The following ADAMTS19 variants were observed in gnomAD, a reference collection of about 807,000 sequenced individuals.
ADAMTS19 encodes ADAM metallopeptidase with thrombospondin type 1 motif 19.
ADAMTS19 carries 93 observed loss-of-function variants against 153.3 expected under a neutral mutation model. The ratio of observed to expected loss-of-function variants is 0.61; its 90% confidence interval spans 0.51 to 0.72. The LOEUF (loss-of-function observed/expected upper bound fraction) is 0.72. Among genes scored for constraint, ADAMTS19 ranks in the 30% least tolerant of loss-of-function variants. ADAMTS19 has a pLI of 0.00. For missense variants in ADAMTS19, 1,482 were observed against 1,552.1 expected, an observed-to-expected ratio of 0.95 and a Z score of 0.76; for synonymous variants, 600 against 556.6, an observed-to-expected ratio of 1.08 and a Z score of -1.10.
At chr5:129,512,157 C>G (rs1751457160) in intron 3 of ADAMTS19, among the ~76,000 whole-genome samples, 1 of 151,908 alleles carries the variant, frequency 6.6e-6, no homozygotes, top group Non-Finnish European at 1.5e-5. Context: ...ATGAGTATGT[C>G]TAAGACTCAG....
chr5:129,519,419 C>T (rs1410723989), intron 3 of ADAMTS19, among the ~76,000 whole-genome samples: 2 of 152,058 alleles, frequency 1.3e-5, no homozygotes, highest in African/African-American at 2.4e-5. Context: ...TTTGGAGCCA[C>T]CAGCTATGCA....
Position 129,704,517 on chromosome 5 carries a change from G to C in ADAMTS19, c.3312+126G>C. On this transcript the variant is annotated intron_variant, in intron 21 of 22. Transcript: ENST00000274487. ...GTAGAATTAAACATCATGGGATATG[G>C]GGCAGATTCTGGCTGGCTGTCCATG... The C allele has an allele frequency of 2.7e-6, 3 of 1,097,120 alleles. No homozygotes were observed. The South Asian group carries it at 5.6e-5, about 20-fold the overall frequency. 68.0% of individuals were successfully genotyped at this position (1,097,120 alleles called of 1,614,324 possible). A position where few individuals can be genotyped will look rare whatever the true frequency, so the allele number is the denominator to read the frequency against.
At chr5:129,565,728 T>C (rs1753682528) in intron 7 of ADAMTS19, among the ~76,000 whole-genome samples, 2 of 152,162 alleles carry the variant, frequency 1.3e-5, no homozygotes, top group Admixed American at 6.5e-5. Flanking sequence ...TTTTCTATCA[T>C]AGCTTACGAG....
chr5:129,684,273 G>C lies in ADAMTS19; in HGVS notation c.2818G>C (p.Gly940Arg). 1 of 1,613,490 alleles carries C rather than the reference G, an allele frequency of 6.2e-7. No individual in the cohort carries two copies. Among genetic ancestry groups the C allele is most frequent in the South Asian group, 1.1e-5 (1 of 91,028 alleles). Reference sequence around the variant, plus strand: ...AGATTGCGATGCCACTTGTGGAGGAGGTGAAGGATTTTTAAACATTTATCT... The same window carrying C: ...AGATTGCGATGCCACTTGTGGAGGACGTGAAGGATTTTTAAACATTTATCT... The part of the protein sequence containing the change: ...WEDCDATCGG[G>R]ERKTTVSCTK... The change falls in exon 18 of 23, where the codon GGA becomes CGA. Residue 940 changes from glycine (G) to arginine (R), a missense_variant and splice_region_variant. Gly to Arg is a moderately radical substitution (Grantham distance 125). Transcript: ENST00000274487.
chr5:129,466,406 C>A (rs985140375), intron 2 of ADAMTS19, among the ~76,000 whole-genome samples: 6 of 151,652 alleles, frequency 4.0e-5, no homozygotes, highest in African/African-American at 1.2e-4. Flanking sequence ...TAACAGAAAT[C>A]TAATGCCCAG....
chr5:129,668,400 T>C (rs1754148056), intron 16 of ADAMTS19, among the ~76,000 whole-genome samples: 1 of 152,182 alleles, frequency 6.6e-6, no homozygotes, highest in Non-Finnish European at 1.5e-5. Flanking sequence ...GTATTGCTCA[T>C]AGTTCTGGAG....
intron 7 of ADAMTS19, among the ~76,000 whole-genome samples, chr5:129,581,891 GT>G (rs1749534333): frequency 6.6e-6 from 1 of 152,118 alleles, no homozygotes; most frequent in Admixed American, 6.6e-5. Flanking sequence ...AGGTTGTTCA[GT>G]TTCCATGTAG....
chr5:129,581,579 G>T (rs554223567), intron 7 of ADAMTS19, among the ~76,000 whole-genome samples: 9 of 150,194 alleles, frequency 6.0e-5, no homozygotes, highest in African/African-American at 2.2e-4. Flanking sequence ...TTTTTTGAAG[G>T]GTTTTTCGTG....
chr5:129,591,302 T>C (rs1750120625), intron 7 of ADAMTS19, among the ~76,000 whole-genome samples: 1 of 151,968 alleles, frequency 6.6e-6, no homozygotes, highest in Non-Finnish European at 1.5e-5. Flanking sequence ...CACTTTTTTT[T>C]TTTTTTCTGA....
chr5:129,603,859 A>G (rs1257127171), intron 8 of ADAMTS19, among the ~76,000 whole-genome samples: 5 of 152,216 alleles, frequency 3.3e-5, no homozygotes, highest in African/African-American at 1.2e-4. Context: ...ATCCAAATCC[A>G]AAGCCCATGT....
intron 2 of ADAMTS19, among the ~76,000 whole-genome samples, chr5:129,484,801 A>G (rs73787517): frequency 0.013 from 1,986 of 152,194 alleles, 41 homozygotes; most frequent in African/African-American, 0.045. Context: ...GAAGATATAC[A>G]TCTTCATATT....
chr5:129,461,681 C>T lies in ADAMTS19; in HGVS notation c.671C>T (p.Ala224Val), dbSNP rs1749675979. Residue 224 changes from alanine to valine, a missense_variant, in exon 2 of 23, where the codon GCA (alanine) becomes GTA (valine). Physicochemically the swap from Ala to Val is moderately conservative, Grantham distance 64 (BLOSUM62 0). Coordinates refer to ENST00000274487, the MANE Select transcript of ADAMTS19 (RefSeq NM_133638.6). The surrounding 1 kb of genome is among the most constrained non-coding windows in gnomAD (Gnocchi z 4.6). ...CCGCAACCTCCCGCGCCACCAGACG[C>T]AGGCTGCTTCTACACCGGAGCTGTG... is the stretch of plus-strand genomic sequence containing the variant. ...SAPQPPAPPD[A>V]GCFYTGAVLR... 6.3e-7 allele frequency: 1 copy of T among 1,579,282 alleles called. No individual in the cohort carries two copies. Among genetic ancestry groups the T allele is most frequent in the Non-Finnish European group, 8.6e-7 (1 of 1,168,596 alleles).
At chr5:129,678,749 G>A (rs1754662013) in intron 16 of ADAMTS19, among the ~76,000 whole-genome samples, 1 of 152,028 alleles carries the variant, frequency 6.6e-6, no homozygotes, top group African/African-American at 2.4e-5. Flanking sequence ...GAAATATTCA[G>A]ATATACACAT....
intron 5 of ADAMTS19, 58 bp downstream of exon 5, chr5:129,527,889 C>CTTTTAAGTAAAG: frequency 9.1e-7 from 1 of 1,098,918 alleles, no homozygotes; most frequent in East Asian, 2.4e-5. Flanking sequence ...TGTTCAGAAA[C>CTTTTAAGTAAAG]TTTTAAGTAA....
At chr5:129,548,815 G>A (rs1010214805) in intron 6 of ADAMTS19, among the ~76,000 whole-genome samples, 7 of 151,722 alleles carry the variant, frequency 4.6e-5, no homozygotes, top group African/African-American at 9.7e-5. Flanking sequence ...AGAAAATGTG[G>A]CACATATACA....
At chr5:129,515,758 C>A (rs1224670517) in intron 3 of ADAMTS19, among the ~76,000 whole-genome samples, 1 of 151,912 alleles carries the variant, frequency 6.6e-6, no homozygotes, top group Non-Finnish European at 1.5e-5. Flanking sequence ...TTCTTCCTTT[C>A]CAATTTAGAT....
At chr5:129,467,547 T>C (rs141928503) in intron 2 of ADAMTS19, among the ~76,000 whole-genome samples, 1 of 152,254 alleles carries the variant, frequency 6.6e-6, no homozygotes, top group African/African-American at 2.4e-5. Flanking sequence ...GAGAAAATCG[T>C]ATGCATTTAA....
At chr5:129,684,339 T>C (rs1754969530) in intron 18 of ADAMTS19, 66 bp downstream of exon 18, 2 of 1,553,980 alleles carry the variant, frequency 1.3e-6, no homozygotes, top group African/African-American at 2.7e-5. Flanking sequence ...CATTGATAAT[T>C]AAGACATATC....
intron 21 of ADAMTS19, among the ~76,000 whole-genome samples, chr5:129,725,034 A>G (rs920914001): frequency 6.6e-6 from 1 of 152,108 alleles, no homozygotes; most frequent in Non-Finnish European, 1.5e-5. Flanking sequence ...CTATGTCTGC[A>G]GTTCAATTTT....
Sources: allele counts gnomAD v4.1 joint callset (sites outside exome capture counted in the v4.1 genomes callset), GRCh38; gene constraint gnomAD v4.1.1; non-coding constraint Gnocchi (gnomAD v3.1); transcripts MANE v1.5; gene names NCBI Gene and HGNC (gene_info 2026-07-23, HGNC 2026-07-21).